FGF1: variants seen among roughly 807,000 people sequenced by gnomAD.
FGF1 encodes the protein fibroblast growth factor 1.
Under a neutral mutation model 13.4 loss-of-function variants are expected in FGF1, and 9 were observed. That is an observed-to-expected ratio of 0.67 (90% CI 0.40 to 1.17). The LOEUF is 1.17. FGF1 is among the 50% of genes most tolerant of loss of function. The pLI is 0.01. For missense variants in FGF1, 156 were observed against 192.7 expected, an observed-to-expected ratio of 0.81 and a Z score of 1.13; for synonymous variants, 93 against 79.0, an observed-to-expected ratio of 1.18 and a Z score of -0.94.
chr5:142,601,220 C>A, intron 2 of FGF1: 1 of 454,426 alleles, frequency 2.2e-6, no homozygotes, highest in Admixed American at 2.3e-5. Context: ...GGCCAGCCTG[C>A]ATGTGTTCTG....
At position 142,595,392 on chromosome 5, in the gene FGF1, C is replaced by A. The variant is rs780390744; in HGVS notation, c.366G>T (p.Trp122Cys). ...TCCCATTCTTCTTGAGGCCAACAAA[C>A]CAATTCTTCTCTGCATGCTTCTTGG... is the stretch of plus-strand genomic sequence containing the variant. ...YISKKHAEKN[W>C]FVGLKKNGSC... is the part of the protein sequence containing the mutation. The change falls in exon 4 of 4, where the codon TGG becomes TGT. Residue 122 changes from tryptophan to cysteine, a missense_variant. Trp to Cys is a radical substitution (Grantham distance 215). Coordinates refer to ENST00000337706, the MANE Select transcript of FGF1 (RefSeq NM_000800.5). 6.2e-7 allele frequency: 1 copy of A among 1,614,046 alleles called. No individual in the cohort carries two copies. Among genetic ancestry groups the A allele is most frequent in the Non-Finnish European group, 8.5e-7 (1 of 1,179,942 alleles).
intron 1 of FGF1, among the ~76,000 whole-genome samples, chr5:142,618,924 GT>G (rs1187824250): frequency 1.3e-5 from 1 of 78,322 alleles, no homozygotes; most frequent in African/African-American, 4.7e-5. Flanking sequence ...TTTTTTAGTT[GT>G]TTTGTTTTTT....
At chr5:142,640,138 A>G (rs947989329) in intron 1 of FGF1, among the ~76,000 whole-genome samples, 2 of 151,992 alleles carry the variant, frequency 1.3e-5, no homozygotes, top group African/African-American at 4.8e-5. Context: ...CAAACCAGAG[A>G]GAGGAAGAAA....
chr5:142,672,824 T>A (rs1348304854), intron 1 of FGF1, among the ~76,000 whole-genome samples: 1 of 152,152 alleles, frequency 6.6e-6, no homozygotes, highest in Admixed American at 6.5e-5. Flanking sequence ...GTTTTTAAAT[T>A]AACTAGCAAC....
At chr5:142,634,913 A>AAC in intron 1 of FGF1, among the ~76,000 whole-genome samples, 1 of 152,232 alleles carries the variant, frequency 6.6e-6, no homozygotes, top group South Asian at 2.1e-4. Flanking sequence ...CAAAGTAACA[A>AAC]ACAGTCAGGC....
At chr5:142,664,806 T>C (rs1769986195) in intron 1 of FGF1, among the ~76,000 whole-genome samples, 2 of 152,172 alleles carry the variant, frequency 1.3e-5, no homozygotes, top group Non-Finnish European at 2.9e-5. Context: ...AAGTCTTGAC[T>C]CCGCTGCTAA....
intron 1 of FGF1, among the ~76,000 whole-genome samples, chr5:142,642,857 C>T (rs140476980): frequency 1.5e-3 from 234 of 152,278 alleles, no homozygotes; most frequent in African/African-American, 5.2e-3. Context: ...GGAGCTGAGT[C>T]CTAGAAACTG....
chr5:142,621,345 T>C (rs556576445), intron 1 of FGF1: 27 of 132,666 alleles, frequency 2.0e-4, no homozygotes, highest in African/African-American at 8.6e-4. Context: ...ATTTTTTCTC[T>C]CTCTCTTTTT....
chr5:142,633,162 AC>A (rs555044173), intron 1 of FGF1, among the ~76,000 whole-genome samples: 152 of 152,112 alleles, frequency 1.0e-3, no homozygotes, highest in African/African-American at 3.6e-3. Flanking sequence ...CTCGTGATCC[AC>A]CTGCTTCGGC....
chr5:142,601,045 C>A, intron 2 of FGF1: 1 of 608,364 alleles, frequency 1.6e-6, no homozygotes, highest in Non-Finnish European at 3.1e-6. Flanking sequence ...GCCGGCTCAC[C>A]TACCTGTCCA....
chr5:142,687,298 A>G (rs58797296), upstream of FGF1, among the ~76,000 whole-genome samples: 21,130 of 151,768 alleles, frequency 0.14, 1,813 homozygotes, highest in Non-Finnish European at 0.19. Context: ...TGTTCCCCAC[A>G]CTCCCCACAG....
At chr5:142,612,147 G>A (rs1330519274) in intron 2 of FGF1, among the ~76,000 whole-genome samples, 2 of 152,186 alleles carry the variant, frequency 1.3e-5, no homozygotes. Context: ...CACTCCCAGG[G>A]CTACGTTGTG....
intron 1 of FGF1, among the ~76,000 whole-genome samples, chr5:142,661,999 C>CA (rs889435255): frequency 2.5e-4 from 38 of 150,184 alleles, no homozygotes; most frequent in African/African-American, 8.3e-4. Flanking sequence ...GACTGCGTCT[C>CA]AAAAAAAACA....
At chr5:142,611,022 T>C (rs968141905) in intron 2 of FGF1, among the ~76,000 whole-genome samples, 1 of 152,192 alleles carries the variant, frequency 6.6e-6, no homozygotes, top group Admixed American at 6.5e-5. Flanking sequence ...AATTTTTCGA[T>C]TGGCTTTTAG....
chr5:142,688,202 T>C (rs373084856), upstream of FGF1, among the ~76,000 whole-genome samples: 102 of 152,364 alleles, frequency 6.7e-4, 1 homozygote, highest in African/African-American at 2.4e-3. Flanking sequence ...ACTGTCCAAA[T>C]ACTGGGAAAT....
At chr5:142,635,741 G>A (rs1211988589) in intron 1 of FGF1, among the ~76,000 whole-genome samples, 1 of 152,164 alleles carries the variant, frequency 6.6e-6, no homozygotes, top group Non-Finnish European at 1.5e-5. Context: ...GGCTGAGTCG[G>A]GGCTGGCACC....
chr5:142,695,744 C>T (rs905360007), intron 2 of FGF1, among the ~76,000 whole-genome samples: 3 of 151,988 alleles, frequency 2.0e-5, no homozygotes, highest in Non-Finnish European at 4.4e-5. Flanking sequence ...ACAGAGAGGG[C>T]TTGGGAATGA....
intron 1 of FGF1, among the ~76,000 whole-genome samples, chr5:142,625,424 A>G (rs1419560084): frequency 6.6e-6 from 1 of 151,962 alleles, no homozygotes; most frequent in African/African-American, 2.4e-5. Flanking sequence ...TTATTCATCC[A>G]CAAAACACTC....
chr5:142,695,149 T>C (rs1752899416), intron 2 of FGF1, among the ~76,000 whole-genome samples: 1 of 152,236 alleles, frequency 6.6e-6, no homozygotes. Flanking sequence ...GGTTTACCCA[T>C]CTGCTAAATG....
Sources: allele counts gnomAD v4.1 joint callset (sites outside exome capture counted in the v4.1 genomes callset), GRCh38; gene constraint gnomAD v4.1.1; transcripts MANE v1.5; gene names NCBI Gene and HGNC (gene_info 2026-07-23, HGNC 2026-07-21).